The following GPC6 variants were observed in gnomAD, a reference collection of about 807,000 sequenced individuals.
GPC6 encodes the protein glypican 6.
Under a neutral mutation model 55.2 loss-of-function variants are expected in GPC6, and 14 were observed. That is an observed-to-expected ratio of 0.25 (90% CI 0.17 to 0.40). GPC6 has a LOEUF of 0.40. GPC6 is among the 10% of genes least tolerant of loss of function. The pLI is 1.00. For missense variants in GPC6, 641 were observed against 708.5 expected (o/e 0.90, Z 1.08); for synonymous variants, 278 against 259.6 (o/e 1.07, Z -0.68).
chr13:94,295,659 C>T (rs948405239), intron 5 of GPC6, among the ~76,000 whole-genome samples: 1 of 152,126 alleles, frequency 6.6e-6, no homozygotes, highest in African/African-American at 2.4e-5. Flanking sequence ...TACATCAACA[C>T]CTCCATAGCA....
At chr13:94,175,946 A>G (rs893709292) in intron 4 of GPC6, among the ~76,000 whole-genome samples, 12 of 108,202 alleles carry the variant, frequency 1.1e-4, no homozygotes, top group African/African-American at 2.7e-4. Context: ...CCATATATAT[A>G]TATATATATA....
chr13:93,721,992 C>T (rs1167882825), intron 2 of GPC6, among the ~76,000 whole-genome samples: 1 of 151,688 alleles, frequency 6.6e-6, no homozygotes, highest in East Asian at 1.9e-4. Flanking sequence ...TAAGATAATC[C>T]TCTAAGCCTT....
At chr13:94,394,967 G>A (rs1314311932) in intron 7 of GPC6, among the ~76,000 whole-genome samples, 1 of 152,088 alleles carries the variant, frequency 6.6e-6, no homozygotes, top group Admixed American at 6.6e-5. Context: ...ACCATGCAGT[G>A]CACACAGCAT....
At chr13:94,339,971 C>T (rs1455235973) in intron 6 of GPC6, among the ~76,000 whole-genome samples, 3 of 151,948 alleles carry the variant, frequency 2.0e-5, no homozygotes, top group African/African-American at 7.3e-5. Flanking sequence ...CTGTGTTGGT[C>T]AGTCTGGTCT....
At chr13:94,046,769 T>C (rs1883748999) in intron 4 of GPC6, among the ~76,000 whole-genome samples, 2 of 152,116 alleles carry the variant, frequency 1.3e-5, no homozygotes, top group Admixed American at 1.3e-4. Flanking sequence ...TGAGGTTACA[T>C]TTAAATAAAC....
intron 2 of GPC6, among the ~76,000 whole-genome samples, chr13:93,762,288 C>T (rs1302263238): frequency 6.6e-6 from 1 of 152,152 alleles, no homozygotes; most frequent in East Asian, 1.9e-4. Flanking sequence ...TAGAAACAGT[C>T]TAATGCAGTT....
At chr13:94,211,049 G>A (rs1431817427) in intron 4 of GPC6, among the ~76,000 whole-genome samples, 1 of 152,124 alleles carries the variant, frequency 6.6e-6, no homozygotes, top group Non-Finnish European at 1.5e-5. Context: ...TAGGCCAGTG[G>A]AGACATTAAA....
At chr13:93,732,837 CTT>C (rs1208586883) in intron 2 of GPC6, among the ~76,000 whole-genome samples, 6 of 152,032 alleles carry the variant, frequency 3.9e-5, no homozygotes, top group Non-Finnish European at 8.8e-5. Flanking sequence ...AGAAATTAAT[CTT>C]AATATTTTCG....
At chr13:93,633,825 A>G (rs1594328630) in intron 2 of GPC6, among the ~76,000 whole-genome samples, 1 of 152,258 alleles carries the variant, frequency 6.6e-6, no homozygotes, top group Non-Finnish European at 1.5e-5. Flanking sequence ...AAATTTTTGC[A>G]GGAGCTGCCA....
chr13:94,238,035 T>A (rs148481696), intron 4 of GPC6, among the ~76,000 whole-genome samples: 1 of 152,124 alleles, frequency 6.6e-6, no homozygotes, highest in Non-Finnish European at 1.5e-5. Context: ...AACTGGAAGA[T>A]GGATTTCCTG....
intron 6 of GPC6, among the ~76,000 whole-genome samples, chr13:94,350,845 T>A (rs1252019379): frequency 6.6e-6 from 1 of 151,856 alleles, no homozygotes; most frequent in Non-Finnish European, 1.5e-5. Context: ...GAGAGCACAG[T>A]GGGAATATCT....
chr13:93,240,698 G>A (rs1160753947), intron 1 of GPC6, among the ~76,000 whole-genome samples: 1 of 152,020 alleles, frequency 6.6e-6, no homozygotes, highest in East Asian at 1.9e-4. Flanking sequence ...CTACCTAGTT[G>A]TTTTGTATTC....
intron 2 of GPC6, among the ~76,000 whole-genome samples, chr13:93,668,916 A>G (rs1881249574): frequency 6.6e-6 from 1 of 152,220 alleles, no homozygotes. Flanking sequence ...TCAACCTAAG[A>G]TCAAGGTGAC....
chr13:93,428,122 G>T (rs551249727), intron 1 of GPC6, among the ~76,000 whole-genome samples: 1 of 152,180 alleles, frequency 6.6e-6, no homozygotes, highest in African/African-American at 2.4e-5. Flanking sequence ...TTATTAAATT[G>T]AGGGCCCAAT....
At chr13:93,919,536 C>A (rs1877461285) in intron 3 of GPC6, among the ~76,000 whole-genome samples, 1 of 152,166 alleles carries the variant, frequency 6.6e-6, no homozygotes, top group African/African-American at 2.4e-5. Flanking sequence ...TCAGACACAT[C>A]AGATACTTTA....
chr13:93,374,995 A>G (rs910026545), intron 1 of GPC6, among the ~76,000 whole-genome samples: 5 of 152,142 alleles, frequency 3.3e-5, no homozygotes, highest in Non-Finnish European at 1.5e-5. Flanking sequence ...GAGTCCAATT[A>G]GCAACTATAG....
chr13:94,056,020 T>C (rs1015736690), intron 4 of GPC6, among the ~76,000 whole-genome samples: 1 of 152,260 alleles, frequency 6.6e-6, no homozygotes, highest in Middle Eastern at 3.4e-3. Flanking sequence ...GCCCAGCCCC[T>C]CTTAGCTTCC....
intron 4 of GPC6, among the ~76,000 whole-genome samples, chr13:94,245,412 A>T (rs1213089519): frequency 1.3e-5 from 2 of 151,678 alleles, no homozygotes; most frequent in Non-Finnish European, 1.5e-5. Context: ...AAAAAAAAAA[A>T]TTTAAAAGCT....
At chr13:94,319,903 A>T (rs1876729390) in intron 6 of GPC6, among the ~76,000 whole-genome samples, 1 of 151,954 alleles carries the variant, frequency 6.6e-6, no homozygotes, top group African/African-American at 2.4e-5. Flanking sequence ...GAATTTCATG[A>T]TTGGTTTCTT....
Sources: allele counts gnomAD v4.1 joint callset (sites outside exome capture counted in the v4.1 genomes callset), GRCh38; gene constraint gnomAD v4.1.1; transcripts MANE v1.5; gene names NCBI Gene and HGNC (gene_info 2026-07-23, HGNC 2026-07-21).